Variants in DCC observed in about 807,000 individuals in gnomAD.
The protein encoded by DCC is netrin receptor DCC.
DCC carries 58 observed loss-of-function variants against 172.5 expected under a neutral mutation model. That is an observed-to-expected ratio of 0.34 (90% CI 0.27 to 0.42). DCC has a LOEUF of 0.42. DCC is among the 10% of genes least tolerant of loss of function. DCC has a pLI of 1.00. For synonymous variants in DCC, 709 were observed against 644.5 expected, an observed-to-expected ratio of 1.10 and a Z score of -1.52; for missense variants, 1,740 against 1,791.0, an observed-to-expected ratio of 0.97 and a Z score of 0.51.
At chr18:52,396,034 A>G (rs1400538071) in intron 1 of DCC, among the ~76,000 whole-genome samples, 1 of 152,052 alleles carries the variant, frequency 6.6e-6, no homozygotes, top group Non-Finnish European at 1.5e-5. Context: ...CTCAGAGGCC[A>G]GCTTTCAGTG....
At chr18:53,409,158 G>A (rs1056619603) in intron 19 of DCC, among the ~76,000 whole-genome samples, 3 of 152,062 alleles carry the variant, frequency 2.0e-5, no homozygotes, top group Admixed American at 6.6e-5. Flanking sequence ...GGGAATAAGC[G>A]GGAAGGAAGA....
chr18:52,413,193 A>C (rs576956537), intron 1 of DCC, among the ~76,000 whole-genome samples: 29 of 151,740 alleles, frequency 1.9e-4, no homozygotes, highest in African/African-American at 6.8e-4. Context: ...TAGTAAGAAA[A>C]TTGGACAGAG....
chr18:52,628,115 A>T (rs967885680), intron 1 of DCC, among the ~76,000 whole-genome samples: 1 of 152,206 alleles, frequency 6.6e-6, no homozygotes, highest in African/African-American at 2.4e-5. Flanking sequence ...TTGAGATGGC[A>T]TCAACTGTGA....
At chr18:53,082,243 C>T (rs1310517509) in intron 7 of DCC, among the ~76,000 whole-genome samples, 3 of 151,846 alleles carry the variant, frequency 2.0e-5, no homozygotes, top group African/African-American at 7.3e-5. Context: ...TAAATAAATC[C>T]ACATTTGGAA....
At chr18:53,298,142 T>TAATTGGGCAGAA (rs2057089104) in intron 12 of DCC, among the ~76,000 whole-genome samples, 1 of 152,154 alleles carries the variant, frequency 6.6e-6, no homozygotes, top group Admixed American at 6.5e-5. Flanking sequence ...ATCATTAGTA[T>TAATTGGGCAGAA]AATTAAGTTC....
At chr18:53,241,782 A>G (rs2056298467) in intron 12 of DCC, among the ~76,000 whole-genome samples, 1 of 152,102 alleles carries the variant, frequency 6.6e-6, no homozygotes, top group African/African-American at 2.4e-5. Context: ...TGGTATGGGG[A>G]AGGCAGGTTC....
At chr18:53,393,230 T>TGC (rs1908690598) in intron 17 of DCC, among the ~76,000 whole-genome samples, 1 of 152,036 alleles carries the variant, frequency 6.6e-6, no homozygotes. Flanking sequence ...TCTCTCCCCA[T>TGC]AGCCATGCTG....
chr18:53,513,461 C>T (rs948849105), intron 27 of DCC, among the ~76,000 whole-genome samples: 1 of 152,154 alleles, frequency 6.6e-6, no homozygotes, highest in Non-Finnish European at 1.5e-5. Flanking sequence ...TCACACATAA[C>T]AATATTAACT....
chr18:52,472,615 C>T (rs1479936863), intron 1 of DCC, among the ~76,000 whole-genome samples: 5 of 152,106 alleles, frequency 3.3e-5, no homozygotes, highest in Admixed American at 1.3e-4. Flanking sequence ...TTTCCAAGGC[C>T]CTTAAGGCCA....
intron 9 of DCC, among the ~76,000 whole-genome samples, chr18:53,195,326 C>T (rs891279160): frequency 6.6e-6 from 1 of 152,126 alleles, no homozygotes; most frequent in African/African-American, 2.4e-5. Flanking sequence ...ACTGAATTTT[C>T]TGAGACAAGC....
chr18:53,123,491 A>G (rs1008582550), intron 7 of DCC, among the ~76,000 whole-genome samples: 2 of 152,100 alleles, frequency 1.3e-5, no homozygotes, highest in Non-Finnish European at 2.9e-5. Context: ...TAAGGCCTCA[A>G]ATCTGAGCTC....
chr18:52,928,074 A>C (rs887925384), intron 5 of DCC, among the ~76,000 whole-genome samples: 1 of 152,164 alleles, frequency 6.6e-6, no homozygotes, highest in Non-Finnish European at 1.5e-5. Flanking sequence ...ACCATGGAAT[A>C]CTATGCAGCC....
At chr18:52,918,999 G>T (rs192532967) in intron 3 of DCC, among the ~76,000 whole-genome samples, 10 of 152,248 alleles carry the variant, frequency 6.6e-5, no homozygotes, top group Admixed American at 6.5e-4. Flanking sequence ...TTCTCTGCTG[G>T]TTACACTTGG....
At chr18:53,266,905 T>C (rs935050902) in intron 12 of DCC, among the ~76,000 whole-genome samples, 3 of 152,072 alleles carry the variant, frequency 2.0e-5, no homozygotes, top group Non-Finnish European at 4.4e-5. Context: ...GACATAACAT[T>C]TCATTTATCC....
intron 1 of DCC, among the ~76,000 whole-genome samples, chr18:52,602,883 C>G (rs905914262): frequency 6.6e-6 from 1 of 152,030 alleles, no homozygotes; most frequent in African/African-American, 2.4e-5. Flanking sequence ...TATTGTCACA[C>G]TTAACCTGGA....
At chr18:52,684,335 T>C (rs1438546705) in intron 1 of DCC, among the ~76,000 whole-genome samples, 1 of 152,052 alleles carries the variant, frequency 6.6e-6, no homozygotes, top group South Asian at 2.1e-4. Flanking sequence ...ACTGAATTTT[T>C]CCCACAATTA....
chr18:52,401,079 T>G (rs1352877481), intron 1 of DCC, among the ~76,000 whole-genome samples: 1 of 151,972 alleles, frequency 6.6e-6, no homozygotes, highest in Non-Finnish European at 1.5e-5. Context: ...GTTCTGCACA[T>G]GTATCCCAGA....
chr18:52,834,552 G>A (rs1373107754), intron 2 of DCC, among the ~76,000 whole-genome samples: 1 of 151,924 alleles, frequency 6.6e-6, no homozygotes, highest in Admixed American at 6.6e-5. Context: ...GCTCGTCTGG[G>A]GTGTTACTGA....
intron 14 of DCC, among the ~76,000 whole-genome samples, chr18:53,326,363 C>T (rs1250170682): frequency 6.6e-6 from 1 of 152,158 alleles, no homozygotes; most frequent in Admixed American, 6.5e-5. Context: ...GTATGTTTTA[C>T]TTGCTGTAAA....
Sources: gnomAD v4.1 joint callset for allele counts (sites outside exome capture counted in the v4.1 genomes callset) on GRCh38, gnomAD v4.1.1 for gene constraint, MANE v1.5 for transcripts, NCBI Gene and HGNC (gene_info 2026-07-23, HGNC 2026-07-21) for gene names.